Variants in TERB2 observed in about 807,000 individuals in gnomAD.
TERB2 encodes the protein telomere repeats-binding bouquet formation protein 2.
A neutral mutation model predicts 29.8 loss-of-function variants in TERB2; 26 were observed. The ratio of observed to expected loss-of-function variants is 0.87; its 90% CI spans 0.64 to 1.21. The LOEUF (loss-of-function observed/expected upper bound fraction) is 1.21, where lower values mean the gene tolerates loss of function less well. Ranked by LOEUF, TERB2 falls within the 50% of genes most tolerant of loss-of-function variation. The pLI, the probability that TERB2 is intolerant of heterozygous loss-of-function variation, is 0.00. For synonymous variants in TERB2, 80 were observed against 90.8 expected, an observed-to-expected ratio of 0.88 and a Z score of 0.68; for missense variants, 240 against 268.6, an observed-to-expected ratio of 0.89 and a Z score of 0.74.
At chr15:44,957,031 G>T (rs1891726751) in intron 2 of TERB2, 54 bp downstream of exon 2, 1 of 1,545,196 alleles carries the variant, frequency 6.5e-7, no homozygotes, top group Admixed American at 1.7e-5. Flanking sequence ...CGGGAGTTAG[G>T]GATGGAAGTT....
chr15:44,971,199 G>A (rs1434647047), intron 5 of TERB2: 2 of 152,484 alleles, frequency 1.3e-5, no homozygotes, highest in East Asian at 1.9e-4. Context: ...GAGCCGCCAC[G>A]GAGTTTCCAT....
intron 6 of TERB2, among the ~76,000 whole-genome samples, chr15:44,977,367 A>G (rs1892061430): frequency 6.6e-6 from 1 of 152,226 alleles, no homozygotes. Flanking sequence ...TATCCTTCTT[A>G]TACTTATAGG....
In TERB2 at chr15:44,973,934, C is replaced by G; in HGVS notation, c.502C>G (p.Pro168Ala). ...GATGTACTTCCCTCTACAGAATTAC[C>G]CAGTTAACAACATGGTAACAGGTAG... ...KQMYFPLQNY[P>A]VNNMVTGYIS... Residue 168 changes from proline (P) to alanine (A), a missense_variant, in exon 6 of 7, where the codon CCA becomes GCA. Pro to Ala is a conservative substitution (Grantham distance 27). Transcript: ENST00000340827. 2 of 1,595,460 alleles carry G rather than the reference C, an allele frequency of 1.3e-6. No individual in the cohort carries two copies. The highest frequency in any genetic ancestry group is 1.7e-6 in the Non-Finnish European group (2 of 1,170,062).
At chr15:44,973,628 T>C (rs532080888) in intron 5 of TERB2, 87 of 189,350 alleles carry the variant, frequency 4.6e-4, no homozygotes, top group Non-Finnish European at 7.1e-4. Context: ...TGCGCAAGGA[T>C]GACAAGCAAA....
At chr15:44,960,800 A>G (rs1162647722) in intron 3 of TERB2, among the ~76,000 whole-genome samples, 3 of 151,838 alleles carry the variant, frequency 2.0e-5, no homozygotes, top group Admixed American at 6.6e-5. Flanking sequence ...TGTCCTTTTG[A>G]CTACTGTGAA....
intron 2 of TERB2, among the ~76,000 whole-genome samples, chr15:44,957,696 T>TA (rs1891740178): frequency 6.6e-6 from 1 of 152,104 alleles, no homozygotes; most frequent in Admixed American, 6.5e-5. Context: ...CCTAAGCCGT[T>TA]ACTGTGCCTC....
intron 5 of TERB2, among the ~76,000 whole-genome samples, chr15:44,972,517 C>CTTTT: frequency 7.5e-6 from 1 of 133,992 alleles, no homozygotes; most frequent in Non-Finnish European, 1.6e-5. Context: ...ATCCTTTTAG[C>CTTTT]TTTTTTTTTT....
chr15:44,978,683 G>A lies in TERB2; in HGVS notation c.*55G>A, dbSNP rs1892081268. ...ATTTTCTATAAAATATTATACAGAT[G>A]TGCATATCATAAAATGCTCCCTTTT... On this transcript the variant is annotated 3_prime_UTR_variant, in exon 7 of 7. Transcript: ENST00000340827. The A allele has an allele frequency of 7.0e-7, 1 of 1,426,974 alleles. No individual in the cohort carries two copies. The allele number at this position is 1,426,974 out of a possible 1,614,324, so 88.4% of individuals were successfully genotyped here.
chr15:44,964,188 TTTTA>T (rs1034061757), intron 4 of TERB2, among the ~76,000 whole-genome samples: 2 of 152,194 alleles, frequency 1.3e-5, no homozygotes, highest in African/African-American at 4.8e-5. Flanking sequence ...TTCATTTTTA[TTTTA>T]TTTTTTTTAA....
At chr15:44,960,550 T>C (rs946210137) in intron 3 of TERB2, among the ~76,000 whole-genome samples, 4 of 152,162 alleles carry the variant, frequency 2.6e-5, no homozygotes, top group Non-Finnish European at 5.9e-5. Flanking sequence ...GTAGAATTAA[T>C]TTTAGAAATA....
intron 5 of TERB2, among the ~76,000 whole-genome samples, chr15:44,967,057 C>G (rs879278728): frequency 6.6e-6 from 1 of 152,166 alleles, no homozygotes; most frequent in African/African-American, 2.4e-5. Flanking sequence ...CGTGATCACG[C>G]CACTGCACTC....
chr15:44,972,156 T>C (rs867150551), intron 5 of TERB2, among the ~76,000 whole-genome samples: 38 of 151,316 alleles, frequency 2.5e-4, no homozygotes, highest in African/African-American at 8.7e-4. Flanking sequence ...CGCCTGGCTA[T>C]TTTTTTGTAT....
chr15:44,971,002 A>T (rs112859658), intron 5 of TERB2: 2,645 of 170,578 alleles, frequency 0.016, 22 homozygotes, highest in Admixed American at 0.028. Context: ...CTTTTCTTTA[A>T]CATAAGATTT....
chr15:44,957,693 C>T (rs1476661745), intron 2 of TERB2, among the ~76,000 whole-genome samples: 1 of 152,074 alleles, frequency 6.6e-6, no homozygotes, highest in Non-Finnish European at 1.5e-5. Flanking sequence ...CTTCCTAAGC[C>T]GTTACTGTGC....
intron 6 of TERB2, among the ~76,000 whole-genome samples, chr15:44,977,360 CCTT>C (rs1291581194): frequency 6.6e-6 from 1 of 152,176 alleles, no homozygotes; most frequent in African/African-American, 2.4e-5. Flanking sequence ...AATGTCCTAT[CCTT>C]CTTATACTTA....
At chr15:44,957,797 T>C (rs528150694) in intron 2 of TERB2, among the ~76,000 whole-genome samples, 52 of 151,566 alleles carry the variant, frequency 3.4e-4, no homozygotes, top group Non-Finnish European at 5.6e-4. Flanking sequence ...CCTCCTTTCC[T>C]CACTCCCGCC....
chr15:44,973,434 C>T (rs2141244777), intron 5 of TERB2: 1 of 152,152 alleles, frequency 6.6e-6, no homozygotes, highest in South Asian at 2.1e-4. Flanking sequence ...TGTGAAGCGG[C>T]TAAGAACACT....
At chr15:44,957,514 C>A (rs1162718363) in intron 2 of TERB2, among the ~76,000 whole-genome samples, 5 of 152,130 alleles carry the variant, frequency 3.3e-5, no homozygotes, top group Non-Finnish European at 7.4e-5. Flanking sequence ...CATACCTGCG[C>A]CAGGGCCTGT....
At chr15:44,963,576 T>C (rs1336231482) in intron 4 of TERB2, among the ~76,000 whole-genome samples, 2 of 151,802 alleles carry the variant, frequency 1.3e-5, no homozygotes, top group East Asian at 3.9e-4. Context: ...TAATGGGTGA[T>C]ACTGTATTAC....
Sources: gnomAD v4.1 joint callset for allele counts (sites outside exome capture counted in the v4.1 genomes callset) on GRCh38, gnomAD v4.1.1 for gene constraint, MANE v1.5 for transcripts, NCBI Gene and HGNC (gene_info 2026-07-23, HGNC 2026-07-21) for gene names.